Variants in TTC17 observed in about 807,000 individuals in gnomAD.
TTC17 encodes tetratricopeptide repeat protein 17.
In TTC17, 58 loss-of-function variants were observed where a neutral mutation model predicts 143.8. The ratio of observed to expected loss-of-function variants is 0.40; its 90% confidence interval spans 0.33 to 0.50. The LOEUF (loss-of-function observed/expected upper bound fraction) is 0.50. Among genes scored for constraint, TTC17 ranks in the 20% least tolerant of loss-of-function variants. TTC17 has a pLI of 0.49. For missense variants in TTC17, 1,273 were observed against 1,392.5 expected (o/e 0.91, Z 1.37); for synonymous variants, 501 against 497.8 (o/e 1.01, Z -0.09).
intron 15 of TTC17, among the ~76,000 whole-genome samples, chr11:43,409,885 A>C (rs1372994366): frequency 4.7e-5 from 7 of 149,272 alleles, no homozygotes; most frequent in Admixed American, 2.0e-4. Context: ...TCTGTCACCC[A>C]GGCTGTAGTG....
At chr11:43,447,813 A>G in intron 18 of TTC17, 189 bp from the exon 19 acceptor site, 1 of 591,646 alleles carries the variant, frequency 1.7e-6, no homozygotes, top group Non-Finnish European at 2.8e-6. Context: ...TTACTCAGAG[A>G]TGATCTTTAG....
chr11:43,489,627 A>G (rs915231060), intron 21 of TTC17, among the ~76,000 whole-genome samples: 1 of 151,942 alleles, frequency 6.6e-6, no homozygotes, highest in Admixed American at 6.6e-5. Flanking sequence ...AATCCCAGCT[A>G]CTCGGGAGGC....
chr11:43,436,681 T>G (rs996387964), intron 16 of TTC17, among the ~76,000 whole-genome samples: 1 of 152,208 alleles, frequency 6.6e-6, no homozygotes, highest in Non-Finnish European at 1.5e-5. Flanking sequence ...TATTACGCCC[T>G]CTCCTAAGAT....
At chr11:43,436,409 C>G in intron 16 of TTC17, 2 of 1,192,790 alleles carry the variant, frequency 1.7e-6, no homozygotes, top group Non-Finnish European at 2.1e-6. Context: ...CTTTTCTCTA[C>G]TTTTAAGAAT....
intron 2 of TTC17, among the ~76,000 whole-genome samples, chr11:43,383,517 TAA>T (rs1244294533): frequency 6.6e-6 from 1 of 150,828 alleles, no homozygotes; most frequent in Non-Finnish European, 1.5e-5. Flanking sequence ...CACGCCTGGC[TAA>T]TTTTTTTTTT....
At chr11:43,398,816 T>A (rs1170707425) in intron 8 of TTC17, among the ~76,000 whole-genome samples, 1 of 152,356 alleles carries the variant, frequency 6.6e-6, no homozygotes, top group Non-Finnish European at 1.5e-5. Context: ...GATTTAGAAC[T>A]CATTAAACTT....
At chr11:43,361,784 A>G (rs1477615220) in intron 1 of TTC17, among the ~76,000 whole-genome samples, 1 of 152,226 alleles carries the variant, frequency 6.6e-6, no homozygotes, top group Non-Finnish European at 1.5e-5. Flanking sequence ...TCAGTTTTAA[A>G]GTGACCTACT....
intron 16 of TTC17, among the ~76,000 whole-genome samples, chr11:43,438,422 T>C (rs1206889878): frequency 6.6e-6 from 1 of 152,178 alleles, no homozygotes; most frequent in African/African-American, 2.4e-5. Context: ...GCCTCCCAAA[T>C]GCATGAGCCA....
intron 16 of TTC17, among the ~76,000 whole-genome samples, chr11:43,431,073 TCATC>T (rs1420959117): frequency 6.6e-6 from 1 of 152,186 alleles, no homozygotes; most frequent in African/African-American, 2.4e-5. Context: ...GTTTCCAGCT[TCATC>T]CATGTCCCTG....
At chr11:43,407,048 G>A (rs1738701425) in intron 13 of TTC17, 90 bp from the exon 14 acceptor site, 2 of 835,032 alleles carry the variant, frequency 2.4e-6, no homozygotes, top group Non-Finnish European at 3.8e-6. Flanking sequence ...TTCCTGAGGA[G>A]CTTAAGAAAA....
intron 1 of TTC17, among the ~76,000 whole-genome samples, chr11:43,377,235 G>A (rs1856794917): frequency 6.6e-6 from 1 of 152,108 alleles, no homozygotes; most frequent in Non-Finnish European, 1.5e-5. Flanking sequence ...AGAGGTTGCA[G>A]TGAGTCGAGA....
intron 15 of TTC17, among the ~76,000 whole-genome samples, chr11:43,410,740 C>T (rs72900934): frequency 0.091 from 13,813 of 152,214 alleles, 796 homozygotes; most frequent in Middle Eastern, 0.16. Flanking sequence ...AACTCCTTAA[C>T]GCTGTTCCAA....
chr11:43,436,316 G>A (rs1947291883), intron 16 of TTC17: 5 of 1,300,826 alleles, frequency 3.8e-6, no homozygotes, highest in Non-Finnish European at 3.9e-6. Context: ...GAGGGACTCA[G>A]ATGCCCTTAG....
chr11:43,477,994 T>C (rs1437856036), intron 21 of TTC17, among the ~76,000 whole-genome samples: 1 of 152,148 alleles, frequency 6.6e-6, no homozygotes. Context: ...TGTGTATCAT[T>C]AGAAGTACAC....
chr11:43,401,130 T>A (rs1175668081), intron 9 of TTC17, among the ~76,000 whole-genome samples: 1 of 152,176 alleles, frequency 6.6e-6, no homozygotes, highest in African/African-American at 2.4e-5. Context: ...GCAAATTCTC[T>A]CCAGAAAGAT....
chr11:43,456,905 C>T (rs1202178307), intron 21 of TTC17, among the ~76,000 whole-genome samples: 4 of 152,008 alleles, frequency 2.6e-5, no homozygotes, highest in South Asian at 4.1e-4. Context: ...AACTTAGGAA[C>T]GGTAGAGTGA....
intron 16 of TTC17, among the ~76,000 whole-genome samples, chr11:43,418,843 A>G (rs922731368): frequency 6.6e-6 from 1 of 152,206 alleles, no homozygotes; most frequent in East Asian, 1.9e-4. Flanking sequence ...GGACTTTCCA[A>G]GCATTTATTA....
chr11:43,391,460 T>C lies in TTC17; in HGVS notation c.420-5T>C. 1 of 1,525,224 alleles carries C rather than the reference T, an allele frequency of 6.6e-7. No individual in the cohort carries two copies. The highest frequency in any genetic ancestry group is 1.2e-5 in the South Asian group (1 of 85,694). 94.5% of individuals were successfully genotyped at this position (1,525,224 alleles called of 1,614,324 possible). A position where few individuals can be genotyped will look rare whatever the true frequency, so the allele number is the denominator to read the frequency against. ...TATTCATTCATTGCTTCTTTTTGAT[T>C]TTAGTCCTGAAGATTATATAGACAC... is the stretch of plus-strand genomic sequence containing the variant. On this transcript the variant is annotated splice_polypyrimidine_tract_variant and splice_region_variant and intron_variant, in intron 3 of 23. Coordinates refer to ENST00000039989, the MANE Select transcript of TTC17 (RefSeq NM_018259.6).
intron 6 of TTC17, 183 bp downstream of exon 6, chr11:43,397,001 T>C (rs966410298): frequency 2.1e-6 from 1 of 474,458 alleles, no homozygotes; most frequent in African/African-American, 1.9e-5. Context: ...TTCAAAGTGA[T>C]AATTGTGTAA....
Sources: gnomAD v4.1 joint callset for allele counts (sites outside exome capture counted in the v4.1 genomes callset) on GRCh38, gnomAD v4.1.1 for gene constraint, MANE v1.5 for transcripts, NCBI Gene and HGNC (gene_info 2026-07-23, HGNC 2026-07-21) for gene names.